EML1: variants seen among roughly 807,000 people sequenced by gnomAD.
The protein encoded by EML1 is echinoderm microtubule-associated protein-like 1.
In EML1, 27 loss-of-function variants were observed where a neutral mutation model predicts 110.4. The ratio of observed to expected loss-of-function variants is 0.24; its 90% CI spans 0.18 to 0.34. The LOEUF (loss-of-function observed/expected upper bound fraction) is 0.34. EML1 is among the 10% of genes least tolerant of loss of function. The probability of loss-of-function intolerance (pLI) is 1.00; values close to 1 mark genes in which losing one functional copy is unlikely to be tolerated. For missense variants in EML1, 741 were observed against 1,030.9 expected (o/e 0.72, Z 3.85); for synonymous variants, 344 against 385.8 (o/e 0.89, Z 1.27).
At chr14:99,839,971 C>T (rs918964822) in intron 1 of EML1, among the ~76,000 whole-genome samples, 2 of 152,156 alleles carry the variant, frequency 1.3e-5, no homozygotes, top group South Asian at 2.1e-4. Context: ...ACAGCAAGGC[C>T]GAAATCCAGG....
Position 99,810,357 on chromosome 14 carries a change from C to T in EML1, c.67+16814C>T, listed in dbSNP as rs559517196. Among the ~76,000 whole-genome samples, 11 of 152,292 alleles carry T rather than the reference C, an allele frequency of 7.2e-5. No individual in the cohort carries two copies. In the East Asian group the frequency reaches 2.1e-3, roughly 29 times the overall value. ...CTGCCATAAGAAGACCTGTGCTTGG[C>T]TTGTGAAAAGTAGCAGTGACACTTC... On this transcript the variant is annotated intron_variant, in intron 1 of 21. Coordinates refer to ENST00000262233, the MANE Select transcript of EML1 (RefSeq NM_004434.3).
At chr14:99,898,170 G>T in intron 7 of EML1, 63 bp from the exon 8 acceptor site, 1 of 1,395,764 alleles carries the variant, frequency 7.2e-7, no homozygotes. Flanking sequence ...GATTATATTT[G>T]AGCAAGGGAA....
At chr14:99,798,859 G>T (rs74084762) in intron 1 of EML1, among the ~76,000 whole-genome samples, 1 of 151,426 alleles carries the variant, frequency 6.6e-6, no homozygotes, top group South Asian at 2.1e-4. Context: ...AAGTTTCCTC[G>T]AACAGGCAGA....
chr14:99,903,217 G>A (rs770544672), intron 9 of EML1, among the ~76,000 whole-genome samples: 6 of 152,130 alleles, frequency 3.9e-5, no homozygotes, highest in Non-Finnish European at 5.9e-5. Context: ...AACATTTTAA[G>A]CAAAGTCAAA....
At chr14:99,887,373 G>A (rs1297438059) in intron 4 of EML1, among the ~76,000 whole-genome samples, 5 of 151,918 alleles carry the variant, frequency 3.3e-5, no homozygotes, top group African/African-American at 7.3e-5. Flanking sequence ...TTTGTTCACC[G>A]GGGGGGCAAA....
intron 9 of EML1, among the ~76,000 whole-genome samples, chr14:99,902,191 A>G (rs1428567360): frequency 1.3e-5 from 2 of 152,228 alleles, no homozygotes; most frequent in Admixed American, 6.5e-5. Context: ...TGCAACAGCA[A>G]TATATTCCAC....
At chr14:99,845,463 G>A (rs971567708) in intron 1 of EML1, among the ~76,000 whole-genome samples, 1 of 152,176 alleles carries the variant, frequency 6.6e-6, no homozygotes, top group Non-Finnish European at 1.5e-5. Context: ...ATCCCCATCA[G>A]TACTCCTAAT....
rs200381411 is a variant in EML1, at chr14:99,910,289, C to T, written c.1287C>T (p.Asn429=). 2.4e-5 allele frequency: 38 copies of T among 1,613,348 alleles called. No individual in the cohort carries two copies. The East Asian group carries it at 4.9e-4, about 21-fold the overall frequency. Residue 429 remains asparagine (N), a synonymous_variant, in exon 12 of 22, where the codon AAC becomes AAT. Coordinates refer to ENST00000262233, the MANE Select transcript of EML1 (RefSeq NM_004434.3). ...KFVLCVTFSE[N]GDTITGDSSG... ...TCCTCTGTGTGACTTTCTCTGAAAA[C>T]GGTGACACCATTACTGGAGATTCAA...
At chr14:99,786,818 C>T (rs1722194922) in intron 1 of EML1, among the ~76,000 whole-genome samples, 1 of 152,182 alleles carries the variant, frequency 6.6e-6, no homozygotes, top group Non-Finnish European at 1.5e-5. Context: ...CATCAGTTAG[C>T]ACCTCTTTGG....
chr14:99,830,643 C>A (rs943391242), intron 1 of EML1, among the ~76,000 whole-genome samples: 1 of 151,422 alleles, frequency 6.6e-6, no homozygotes, highest in Admixed American at 6.6e-5. Context: ...CTCCACCTCC[C>A]GGGTTCAAGC....
At position 99,878,468 on chromosome 14, in the gene EML1, T is replaced by C. The variant is rs915212352; in HGVS notation, c.384-17T>C. 1 of 1,599,730 alleles carries C rather than the reference T, an allele frequency of 6.3e-7. No homozygotes were observed. Among genetic ancestry groups the C allele is most frequent in the African/African-American group, 1.4e-5 (1 of 73,978 alleles). On this transcript the variant is annotated splice_polypyrimidine_tract_variant and intron_variant, in intron 3 of 21. Coordinates refer to ENST00000262233, the MANE Select transcript of EML1 (RefSeq NM_004434.3). ...ACGATATTAAGGAGTTCACTGTCAC[T>C]TCCATTCCACCCTTAGTAACATCAA...
intron 2 of EML1, among the ~76,000 whole-genome samples, chr14:99,858,115 CT>C (rs1487770949): frequency 2.0e-5 from 3 of 151,854 alleles, no homozygotes; most frequent in Non-Finnish European, 4.4e-5. Flanking sequence ...TGTTCTGAAC[CT>C]TGCTCTTTTT....
chr14:99,745,197 C>G (rs980580241), intron 1 of EML1, among the ~76,000 whole-genome samples: 1 of 152,166 alleles, frequency 6.6e-6, no homozygotes, highest in African/African-American at 2.4e-5. Context: ...TCCCAAGTAG[C>G]TGGGACTACA....
intron 1 of EML1, among the ~76,000 whole-genome samples, chr14:99,744,669 C>T (rs936074353): frequency 6.6e-6 from 1 of 152,204 alleles, no homozygotes; most frequent in Non-Finnish European, 1.5e-5. Flanking sequence ...CAAATCATAA[C>T]GCCAGGGGCA....
At chr14:99,800,605 C>T (rs923031934) in intron 1 of EML1, among the ~76,000 whole-genome samples, 1 of 152,200 alleles carries the variant, frequency 6.6e-6, no homozygotes, top group African/African-American at 2.4e-5. Context: ...AAGAGATCCT[C>T]CTGCCTTGGC....
chr14:99,887,076 C>T (rs1254252453), intron 4 of EML1, among the ~76,000 whole-genome samples: 1 of 152,216 alleles, frequency 6.6e-6, no homozygotes, highest in Admixed American at 6.5e-5. Context: ...TGGTTGACTG[C>T]ACTGCTGTCT....
chr14:99,898,669 T>C (rs2059710686), intron 8 of EML1, among the ~76,000 whole-genome samples: 1 of 151,696 alleles, frequency 6.6e-6, no homozygotes, highest in South Asian at 2.1e-4. Flanking sequence ...GGAGAATCAC[T>C]TGAACCCGGG....
chr14:99,807,118 C>A (rs909447058), intron 1 of EML1, among the ~76,000 whole-genome samples: 1 of 152,158 alleles, frequency 6.6e-6, no homozygotes, highest in African/African-American at 2.4e-5. Flanking sequence ...AAGAGACAAG[C>A]AGGCACAGGC....
At chr14:99,783,158 C>T (rs1367176598) in intron 1 of EML1, among the ~76,000 whole-genome samples, 4 of 115,330 alleles carry the variant, frequency 3.5e-5, no homozygotes, top group Non-Finnish European at 6.7e-5. Flanking sequence ...CCACCCACAA[C>T]AGGCCCTGGT....
Sources: allele counts gnomAD v4.1 joint callset (sites outside exome capture counted in the v4.1 genomes callset), GRCh38; gene constraint gnomAD v4.1.1; transcripts MANE v1.5; gene names NCBI Gene and HGNC (gene_info 2026-07-23, HGNC 2026-07-21).